CEP350: variants seen among roughly 807,000 people sequenced by gnomAD.
CEP350 encodes centrosome-associated protein 350.
CEP350 carries 126 observed loss-of-function variants against 331.8 expected under a neutral mutation model. The ratio of observed to expected loss-of-function variants is 0.38; its 90% CI spans 0.33 to 0.44. The LOEUF (loss-of-function observed/expected upper bound fraction) is 0.44. CEP350 is among the 20% of genes least tolerant of loss of function. The pLI, the probability that CEP350 is intolerant of heterozygous loss-of-function variation, is 1.00. For synonymous variants in CEP350, 1,200 were observed against 1,259.5 expected, an observed-to-expected ratio of 0.95 and a Z score of 1.00; for missense variants, 3,406 against 3,634.6, an observed-to-expected ratio of 0.94 and a Z score of 1.62.
Position 180,043,160 on chromosome 1 carries a change from G to A in CEP350, c.4467G>A (p.Val1489=). 6.2e-7 allele frequency: 1 copy of A among 1,613,542 alleles called. No homozygotes were observed. Among genetic ancestry groups the A allele is most frequent in the Non-Finnish European group, 8.5e-7 (1 of 1,179,630 alleles). The part of the protein sequence containing the change: ...DHQRQHLPDF[V]KQLRTRTETD... ...AACGGCAGCACCTTCCAGACTTTGT[G>A]AAACAGCTGAGGACCAGAACTGAAA... The change falls in exon 20 of 38, where the codon GTG becomes GTA. Residue 1489 remains valine, a synonymous_variant. Coordinates refer to ENST00000367607, the MANE Select transcript of CEP350 (RefSeq NM_014810.5).
intron 22 of CEP350, among the ~76,000 whole-genome samples, chr1:180,052,622 AT>A (rs1328776084): frequency 6.6e-6 from 1 of 152,002 alleles, no homozygotes; most frequent in Non-Finnish European, 1.5e-5. Flanking sequence ...AATGTTAAAC[AT>A]TTTTTTCACT....
chr1:179,975,511 A>G (rs866753156), intron 1 of CEP350, among the ~76,000 whole-genome samples: 1 of 152,206 alleles, frequency 6.6e-6, no homozygotes, highest in Non-Finnish European at 1.5e-5. Context: ...GAAGAAAGAA[A>G]GAAATTAGAG....
chr1:179,994,379 C>T (rs1371954260), intron 5 of CEP350, among the ~76,000 whole-genome samples: 5 of 151,764 alleles, frequency 3.3e-5, no homozygotes, highest in African/African-American at 1.2e-4. Context: ...CACATTTAGC[C>T]TCGGTCTCTG....
rs74132543 is a variant in CEP350, at chr1:180,107,334, G to A, written c.9190-3663G>A. Among the ~76,000 whole-genome samples the A allele has an allele frequency of 8.7e-3, 1,320 of 152,272 alleles. 16 individuals are homozygous for A. The highest frequency in any genetic ancestry group is 0.03 in the African/African-American group (1,247 of 41,556). ...CACAGAGGAAAAACTCCGAGTCTTTGAGGCAGAAACTTCCTTGCAGGTTGA... is the reference window on the plus strand; with the variant it reads ...CACAGAGGAAAAACTCCGAGTCTTTAAGGCAGAAACTTCCTTGCAGGTTGA... On this transcript the variant is annotated intron_variant, in intron 37 of 37. Coordinates refer to ENST00000367607, the MANE Select transcript of CEP350 (RefSeq NM_014810.5).
At chr1:180,108,803 A>T (rs1661308382) in intron 37 of CEP350, among the ~76,000 whole-genome samples, 1 of 152,238 alleles carries the variant, frequency 6.6e-6, no homozygotes, top group South Asian at 2.1e-4. Context: ...CTTCTGTCTC[A>T]TAGGCTTAAG....
chr1:180,068,007 G>A, intron 27 of CEP350, among the ~76,000 whole-genome samples: 1 of 152,184 alleles, frequency 6.6e-6, no homozygotes, highest in Non-Finnish European at 1.5e-5. Context: ...TCATGACTAG[G>A]AACTTAGTTG....
chr1:179,996,983 C>T lies in CEP350; in HGVS notation c.826C>T (p.Arg276Ter), dbSNP rs1246115083. 6 of 1,613,902 alleles carry T rather than the reference C, an allele frequency of 3.7e-6. No individual in the cohort carries two copies. The highest frequency in any genetic ancestry group is 2.2e-5 in the South Asian group (2 of 91,086). Reference sequence around the variant, plus strand: ...CCAAAGATTAGATATTCTAAAGCGGCGACAACATGATGTCAAACTGGAAAA... The same window carrying T: ...CCAAAGATTAGATATTCTAAAGCGGTGACAACATGATGTCAAACTGGAAAA... ...NSQRLDILKRRQHDVKLEKLK... is the reference protein window; with the variant it reads ...NSQRLDILKR The change falls in exon 6 of 38, where the codon CGA becomes TGA. Residue 276 changes from arginine (R) to a stop codon, truncating the protein, a stop_gained. Coordinates refer to ENST00000367607, the MANE Select transcript of CEP350 (RefSeq NM_014810.5). LOFTEE classifies it high-confidence loss of function.
Position 180,075,238 on chromosome 1 carries a change from C to T in CEP350, c.5767+17C>T, listed in dbSNP as rs1195876420. The T allele has an allele frequency of 2.5e-6, 4 of 1,576,948 alleles. No individual in the cohort carries two copies. The highest frequency in any genetic ancestry group is 1.2e-5 in the South Asian group (1 of 86,492). On this transcript the variant is annotated intron_variant, in intron 28 of 37. Transcript: ENST00000367607. ...AACAGAAAGGTAATAAATACTAACTCTGTTCACACTACAAACTAAAGCCTA... is the reference window on the plus strand; with the variant it reads ...AACAGAAAGGTAATAAATACTAACTTTGTTCACACTACAAACTAAAGCCTA...
At chr1:180,054,551 T>A in intron 25 of CEP350, 49 bp downstream of exon 25, 1 of 1,349,646 alleles carries the variant, frequency 7.4e-7, no homozygotes. Context: ...GGCAAGTTAG[T>A]TTGTGGAATC....
At chr1:180,024,928 CTT>C (rs764201704) in intron 14 of CEP350, among the ~76,000 whole-genome samples, 7 of 144,760 alleles carry the variant, frequency 4.8e-5, no homozygotes, top group Non-Finnish European at 4.6e-5. Flanking sequence ...TATTTATTTA[CTT>C]TTTTTTTTTT....
intron 25 of CEP350, among the ~76,000 whole-genome samples, chr1:180,059,658 T>C (rs929445204): frequency 6.6e-6 from 1 of 152,070 alleles, no homozygotes; most frequent in African/African-American, 2.4e-5. Flanking sequence ...GTATTTTTAC[T>C]TGAAAGAATG....
At chr1:180,056,439 C>G (rs1304113901) in intron 25 of CEP350, among the ~76,000 whole-genome samples, 1 of 143,910 alleles carries the variant, frequency 6.9e-6, no homozygotes, top group East Asian at 2.0e-4. Context: ...TTCAGAAACT[C>G]TCTCTTCATG....
chr1:179,979,530 G>A (rs1474102359), intron 1 of CEP350, among the ~76,000 whole-genome samples: 1 of 151,518 alleles, frequency 6.6e-6, no homozygotes, highest in Non-Finnish European at 1.5e-5. Context: ...CCCTTGCTGT[G>A]CAGAAGCTTT....
In CEP350 at chr1:180,036,918, C is replaced by T; in HGVS notation, c.3947-8C>T. On this transcript the variant is annotated splice_region_variant and splice_polypyrimidine_tract_variant and intron_variant, in intron 16 of 37. Coordinates refer to ENST00000367607, the MANE Select transcript of CEP350 (RefSeq NM_014810.5). ...ACTTTTCCATTTGACCATTGTCATG[C>T]CTTCCAGGTTCTAAGCGCTTTTCTC... 5 of 1,528,984 alleles carry T rather than the reference C, an allele frequency of 3.3e-6. No homozygotes were observed. The highest frequency in any genetic ancestry group is 4.4e-6 in the Non-Finnish European group (5 of 1,138,870). The allele number at this position is 1,528,984 out of a possible 1,614,324, so 94.7% of individuals were successfully genotyped here. A position where few individuals can be genotyped will look rare whatever the true frequency, so the allele number is the denominator to read the frequency against.
intron 37 of CEP350, among the ~76,000 whole-genome samples, chr1:180,107,737 C>T (rs1661224506): frequency 6.6e-6 from 1 of 152,174 alleles, no homozygotes; most frequent in Admixed American, 6.5e-5. Context: ...AGTGAAAGAC[C>T]CTGGCATCTG....
chr1:180,096,700 C>T (rs540994433), intron 36 of CEP350, among the ~76,000 whole-genome samples: 19 of 152,252 alleles, frequency 1.2e-4, no homozygotes, highest in Admixed American at 9.8e-4. Flanking sequence ...TAATGTGATA[C>T]GTAAAAATAT....
At chr1:180,067,621 G>A (rs1658621946) in intron 27 of CEP350, among the ~76,000 whole-genome samples, 1 of 152,128 alleles carries the variant, frequency 6.6e-6, no homozygotes, top group Admixed American at 6.5e-5. Flanking sequence ...CCTGGGAGGG[G>A]GAGGTTGCAG....
chr1:180,077,684 A>AAAG (rs1452421846), intron 28 of CEP350, among the ~76,000 whole-genome samples: 1 of 151,256 alleles, frequency 6.6e-6, no homozygotes, highest in Non-Finnish European at 1.5e-5. Context: ...AAAAAAAAAA[A>AAAG]AAAAAAAGCC....
Position 180,096,102 on chromosome 1 carries a change from A to C in CEP350, c.8984A>C (p.Gln2995Pro). 6.4e-7 allele frequency: 1 copy of C among 1,559,514 alleles called. No homozygotes were observed. Among genetic ancestry groups the C allele is most frequent in the Non-Finnish European group, 8.7e-7 (1 of 1,150,192 alleles). Residue 2995 changes from glutamine to proline, a missense_variant, in exon 36 of 38, where the codon CAA (glutamine) becomes CCA (proline). Physicochemically the swap from Gln to Pro is moderately conservative, Grantham distance 76 (BLOSUM62 -1). Around this residue, in one of 5 missense-constraint regions of CEP350, gnomAD observed 1,415 missense variants for 1,512.3 expected, o/e 0.94. Coordinates refer to ENST00000367607, the MANE Select transcript of CEP350 (RefSeq NM_014810.5). ...EIFAEDPNLN[Q>P]PVWMKPCRIN... ...TTTGCTGAGGATCCCAACTTAAATC[A>C]ACCTGTCTGGATGAAGCCATGTAGA...
Sources: allele counts gnomAD v4.1 joint callset (sites outside exome capture counted in the v4.1 genomes callset), GRCh38; gene constraint gnomAD v4.1.1; regional missense constraint gnomAD v4.1.1; transcripts MANE v1.5; gene names NCBI Gene and HGNC (gene_info 2026-07-23, HGNC 2026-07-21).